The following LILRB4 variants were observed in gnomAD, a reference collection of about 807,000 sequenced individuals.
LILRB4 encodes the protein leukocyte immunoglobulin like receptor B4.
Under a neutral mutation model 55.2 loss-of-function variants are expected in LILRB4, and 49 were observed. That is an observed-to-expected ratio of 0.89 (90% CI 0.71 to 1.13). The LOEUF (loss-of-function observed/expected upper bound fraction) is 1.13. Among genes scored for constraint, LILRB4 ranks in the 50% most tolerant of loss-of-function variants. The pLI is 0.00. For synonymous variants in LILRB4, 229 were observed against 213.8 expected, an observed-to-expected ratio of 1.07 and a Z score of -0.62; for missense variants, 590 against 555.2, an observed-to-expected ratio of 1.06 and a Z score of -0.63.
rs2065233898 is a variant in LILRB4, at chr19:54,665,736, AGCACACACAGTAGGT to A, written c.758-62_758-48del. On this transcript the variant is annotated intron_variant, in intron 6 of 11. Coordinates refer to ENST00000430952, the Ensembl canonical transcript of LILRB4. This position sits in a 1 kb window ranked among gnomAD's most constrained non-coding sequence, Gnocchi z 5.5. ...GTTGGAGGTAATGAAAGAAAGACCC[AGCACACACAGTAGGT>A]GCACACACAGTAGGTGTGCACATCA... 6.7e-6 allele frequency: 10 copies of A among 1,494,550 alleles called. No homozygotes were observed. Among genetic ancestry groups the A allele is most frequent in the African/African-American group, 5.6e-5 (4 of 71,850 alleles). The allele number at this position is 1,494,550 out of a possible 1,614,324, so 92.6% of individuals were successfully genotyped here.
In LILRB4 at chr19:54,665,974, G is replaced by C. The variant is rs770692759; in HGVS notation, c.874+43G>C. The C allele has an allele frequency of 1.2e-6, 2 of 1,612,548 alleles. No homozygotes were observed. Among genetic ancestry groups the C allele is most frequent in the Non-Finnish European group, 8.5e-7 (1 of 1,179,032 alleles). On this transcript the variant is annotated intron_variant, in intron 7 of 11. Coordinates refer to ENST00000430952, the Ensembl canonical transcript of LILRB4. The surrounding 1 kb of genome is among the most constrained non-coding windows in gnomAD (Gnocchi z 5.5). ...GGACCCGTGGGCTGATGGAGGGTGG[G>C]CTCAGGGCACCAGCCAAAGGGACTC...
Position 54,665,416 on chromosome 19 carries a change from C to T in LILRB4, c.757+236C>T, listed in dbSNP as rs145900655. 5.3e-3 allele frequency among the ~76,000 whole-genome samples: 802 copies of T among 152,066 alleles called. 11 individuals are homozygous for T. Among genetic ancestry groups the T allele is most frequent in the East Asian group, 0.035 (179 of 5,146 alleles). On this transcript the variant is annotated intron_variant, in intron 6 of 11. Transcript: ENST00000430952. The surrounding 1 kb of genome is among the most constrained non-coding windows in gnomAD (Gnocchi z 5.5). ...GGCCTCCCAGGGAACCTCCCAGACC[C>T]GATTCCGCAGGGGCCTGTCCGGTCC... is the stretch of plus-strand genomic sequence containing the variant.
chr19:54,663,339 G>C lies in LILRB4; in HGVS notation c.35-193G>C, dbSNP rs1241788614. Reference sequence around the variant, plus strand: ...CAGGCGCCTGTGGTCCCAGCCACTCGGGAGGCTGAGGCAGGAGAATGGCGT... The same window carrying C: ...CAGGCGCCTGTGGTCCCAGCCACTCCGGAGGCTGAGGCAGGAGAATGGCGT... On this transcript the variant is annotated intron_variant, in intron 1 of 11. Coordinates refer to ENST00000430952, the Ensembl canonical transcript of LILRB4. Among the ~76,000 whole-genome samples the C allele has an allele frequency of 4.6e-5, 7 of 151,336 alleles. No homozygotes were observed. In the South Asian group the frequency reaches 6.3e-4, roughly 14 times the overall value.
chr19:54,664,337 A>G (rs1199455070), exon 4 of LILRB4: 9 of 1,613,998 alleles, frequency 5.6e-6, no homozygotes, highest in Non-Finnish European at 6.8e-6. Context: ...ATCTGAGATC[A>G]GAGCACGGAG....
chr19:54,665,925 A>G lies in LILRB4; in HGVS notation c.868A>G (p.Thr290Ala). 6.8e-6 allele frequency: 11 copies of G among 1,613,776 alleles called. No homozygotes were observed. Among genetic ancestry groups the G allele is most frequent in the Non-Finnish European group, 9.3e-6 (11 of 1,179,924 alleles). Reference sequence around the variant, plus strand: ...ACACTGGCGTCAGGGAAAACACAGGACATTGGGTAAGTAGGAAATTGGGGG... The same window carrying G: ...ACACTGGCGTCAGGGAAAACACAGGGCATTGGGTAAGTAGGAAATTGGGGG... The change falls in exon 7 of 12, where the codon ACA (threonine) becomes GCA (alanine). Residue 290 changes from threonine to alanine, a missense_variant. Physicochemically the swap from Thr to Ala is moderately conservative, Grantham distance 58. Coordinates refer to ENST00000430952, the Ensembl canonical transcript of LILRB4. This position sits in a 1 kb window ranked among gnomAD's most constrained non-coding sequence, Gnocchi z 5.5.
At chr19:54,663,098 G>C in intron 1 of LILRB4, 31 bp downstream of exon 1, 1 of 1,595,794 alleles carries the variant, frequency 6.3e-7, no homozygotes, top group Non-Finnish European at 8.5e-7. Flanking sequence ...GGGGAGACCC[G>C]AGTCTTGGAG....
Position 54,667,601 on chromosome 19 carries a change from T to C in LILRB4, c.1042-37T>C, listed in dbSNP as rs138090135. 6,573 of 1,601,914 alleles carry C rather than the reference T, an allele frequency of 4.1e-3. 190 individuals are homozygous for C. In the African/African-American group the frequency reaches 0.062, roughly 15 times the overall value. ...AATTGACTCCAGGGAGTCAGGAGGA[T>C]TCAAGGACACCCCCCACCACTGTCT... On this transcript the variant is annotated intron_variant, in intron 10 of 11. Coordinates refer to ENST00000430952, the Ensembl canonical transcript of LILRB4.
At chr19:54,667,573 G>A (rs2065341827) in intron 10 of LILRB4, 62 bp from the exon 11 acceptor site, 2 of 1,601,772 alleles carry the variant, frequency 1.2e-6, no homozygotes, top group East Asian at 2.2e-5. Context: ...GAACAGTGGG[G>A]AAAATTGACT....
At chr19:54,663,550 G>C in exon 2 of LILRB4, 1 of 1,613,514 alleles carries the variant, frequency 6.2e-7, no homozygotes, top group Admixed American at 1.7e-5. Flanking sequence ...CTGGGCCCCA[G>C]GACCCACATG....
At chr19:54,667,116 T>C in intron 10 of LILRB4, 2 of 597,210 alleles carry the variant, frequency 3.3e-6, no homozygotes, top group South Asian at 1.5e-5. Context: ...CCATGGGAGC[T>C]GCAGACACAG....
chr19:54,668,358 A>G (rs1028222855), exon 12 of LILRB4: 7 of 247,770 alleles, frequency 2.8e-5, no homozygotes, highest in African/African-American at 1.6e-4. Context: ...AACAAAAAAT[A>G]GAGAAAAATT....
chr19:54,664,983 C>G, intron 5 of LILRB4, 134 bp downstream of exon 5: 1 of 1,357,158 alleles, frequency 7.4e-7, no homozygotes, highest in African/African-American at 1.4e-5. Context: ...CGGGCAGCGA[C>G]TTGGGAGGCA....
chr19:54,663,003 T>C, exon 1 of LILRB4: 1 of 1,614,094 alleles, frequency 6.2e-7, no homozygotes, highest in Non-Finnish European at 8.5e-7. Context: ...CTCATCCATC[T>C]GCACAGCTGG....
chr19:54,666,236 C>A lies in LILRB4; in HGVS notation c.875-4C>A. 6.3e-7 allele frequency: 1 copy of A among 1,589,058 alleles called. No individual in the cohort carries two copies. Among genetic ancestry groups the A allele is most frequent in the Non-Finnish European group, 8.6e-7 (1 of 1,168,652 alleles). On this transcript the variant is annotated splice_polypyrimidine_tract_variant and splice_region_variant and intron_variant, in intron 7 of 11. Transcript: ENST00000430952. The surrounding 1 kb of genome is among the most constrained non-coding windows in gnomAD (Gnocchi z 4.8). ...GAGCTGAGACTCTGTCCATCTTCCC[C>A]CAGCCCAGAGACAGGCTGATTTCCA...
rs752474466 is a variant in LILRB4 at position 54,665,060 on chromosome 19, T to C, written c.707-70T>C. 3 of 1,575,124 alleles carry C rather than the reference T, an allele frequency of 1.9e-6. No individual in the cohort carries two copies. The highest frequency in any genetic ancestry group is 1.1e-5 in the South Asian group (1 of 89,266). ...GAGGGGGTCAAGGCTGAAGGAGATG[T>C]TGCGGGGAGAAGCCGAGCTGATGTG... On this transcript the variant is annotated intron_variant, in intron 5 of 11. Coordinates refer to ENST00000430952, the Ensembl canonical transcript of LILRB4. The surrounding 1 kb of genome is among the most constrained non-coding windows in gnomAD (Gnocchi z 5.5).
At chr19:54,664,470 G>A in exon 4 of LILRB4, 1 of 1,605,428 alleles carries the variant, frequency 6.2e-7, no homozygotes, top group Non-Finnish European at 8.5e-7. Context: ...TGACCCCCTG[G>A]AGCTCATAGT....
At chr19:54,667,025 G>A (rs117852876) in intron 10 of LILRB4, 10,146 of 673,452 alleles carry the variant, frequency 0.015, 323 homozygotes, top group Admixed American at 0.098. Flanking sequence ...ACGAATAAAT[G>A]AACCACTCCA....
chr19:54,667,449 G>A (rs187436077), intron 10 of LILRB4, 186 bp from the exon 11 acceptor site: 8 of 1,262,620 alleles, frequency 6.3e-6, no homozygotes, highest in Non-Finnish European at 7.5e-6. Context: ...AAATGGGCAA[G>A]GTCAGAGTGA....
rs11574574 is a variant in LILRB4 at position 54,666,635 on chromosome 19, G to A, written c.989-62G>A. ...ACTAATGGGAACAGGGCAGGGACCA[G>A]CAGGAATGAGAGGTCCCAGGGAACC... is the stretch of plus-strand genomic sequence containing the variant. On this transcript the variant is annotated intron_variant, in intron 9 of 11. Transcript: ENST00000430952. The surrounding 1 kb of genome is among the most constrained non-coding windows in gnomAD (Gnocchi z 4.8). The A allele has an allele frequency of 2.5e-3, 3,825 of 1,550,270 alleles. 69 individuals carry two copies. The African/African-American group carries it at 0.045, about 18-fold the overall frequency.
Sources: allele counts gnomAD v4.1 joint callset (sites outside exome capture counted in the v4.1 genomes callset), GRCh38; gene constraint gnomAD v4.1.1; non-coding constraint Gnocchi (gnomAD v3.1); transcripts MANE v1.5; gene names NCBI Gene and HGNC (gene_info 2026-07-23, HGNC 2026-07-21).